ODR4: variants seen among roughly 807,000 people sequenced by gnomAD.
ODR4 encodes protein odr-4 homolog.
A neutral mutation model predicts 60.2 loss-of-function variants in ODR4; 47 were observed. That is an observed-to-expected ratio of 0.78 (90% CI 0.62 to 1.00). The LOEUF is 1.00. ODR4 is among the 50% of genes least tolerant of loss of function. ODR4 has a pLI of 0.00. For synonymous variants in ODR4, 178 were observed against 175.5 expected, an observed-to-expected ratio of 1.01 and a Z score of -0.11; for missense variants, 488 against 530.8, an observed-to-expected ratio of 0.92 and a Z score of 0.79.
chr1:186,412,637 C>T (rs1029520090), intron 12 of ODR4, among the ~76,000 whole-genome samples: 7 of 151,952 alleles, frequency 4.6e-5, no homozygotes, highest in Non-Finnish European at 1.0e-4. Context: ...GAATTATATG[C>T]GCTTATTCAC....
intron 11 of ODR4, chr1:186,399,354 T>A: frequency 5.5e-6 from 2 of 363,882 alleles, no homozygotes; most frequent in Non-Finnish European, 1.0e-5. Flanking sequence ...TGCAGGCACA[T>A]GCCATGATGC....
At chr1:186,394,535 A>G (rs1660598019) in intron 9 of ODR4, among the ~76,000 whole-genome samples, 1 of 152,218 alleles carries the variant, frequency 6.6e-6, no homozygotes, top group Admixed American at 6.5e-5. Context: ...ATAAAAAGTT[A>G]AAGCCACTAA....
chr1:186,425,682 C>A (rs544823223), downstream of ODR4, among the ~76,000 whole-genome samples: 16 of 152,254 alleles, frequency 1.1e-4, no homozygotes, highest in African/African-American at 3.9e-4. Flanking sequence ...TCTTAGAAGT[C>A]TTTTTGTCTA....
intron 6 of ODR4, among the ~76,000 whole-genome samples, chr1:186,390,058 C>T (rs1385076971): frequency 1.3e-5 from 2 of 152,056 alleles, no homozygotes; most frequent in South Asian, 2.1e-4. Context: ...TGCCTGTCTT[C>T]GCCTCCCAAA....
chr1:186,406,155 G>A lies in ODR4; in HGVS notation c.1073G>A (p.Cys358Tyr), dbSNP rs766197635. Reference protein sequence around the residue: ...VPLPGSTVMLCDYKFDDESAE... With the variant: ...VPLPGSTVMLYDYKFDDESAE... ...CTTCCTGGATCCACTGTAATGTTGTGTGATTATAAATTTGACGATGAGTCA... is the reference window on the plus strand; with the variant it reads ...CTTCCTGGATCCACTGTAATGTTGTATGATTATAAATTTGACGATGAGTCA... The change falls in exon 12 of 14, where the codon TGT (cysteine) becomes TAT (tyrosine). Residue 358 changes from cysteine to tyrosine, a missense_variant. Physicochemically the swap from Cys to Tyr is radical, Grantham distance 194. Transcript: ENST00000287859. 1.2e-6 allele frequency: 2 copies of A among 1,612,400 alleles called. No individual in the cohort carries two copies. The highest frequency in any genetic ancestry group is 1.1e-5 in the South Asian group (1 of 90,796).
At chr1:186,376,022 G>GTGTGTGTT (rs57930082) in intron 1 of ODR4, 48 bp downstream of exon 1, 1 of 161,304 alleles carries the variant, frequency 6.2e-6, no homozygotes, top group Non-Finnish European at 1.4e-5. Flanking sequence ...GTGTGTGTGT[G>GTGTGTGTT]CTCTCTTTTC....
chr1:186,401,014 A>T, intron 11 of ODR4: 1 of 1,573,586 alleles, frequency 6.4e-7, no homozygotes, highest in Non-Finnish European at 8.7e-7. Flanking sequence ...TGTATATTAT[A>T]GCTGCATTGC....
At chr1:186,398,835 A>T in intron 10 of ODR4, 119 bp from the exon 11 acceptor site, 1 of 603,072 alleles carries the variant, frequency 1.7e-6, no homozygotes, top group Non-Finnish European at 2.8e-6. Flanking sequence ...TGAATGATGT[A>T]TCAGTTATTT....
intron 1 of ODR4, among the ~76,000 whole-genome samples, chr1:186,376,608 G>A (rs1460449390): frequency 4.6e-5 from 7 of 152,062 alleles, no homozygotes; most frequent in Non-Finnish European, 8.8e-5. Flanking sequence ...AAATATAAAT[G>A]GAAGCATTTT....
At position 186,380,089 on chromosome 1, in the gene ODR4, G is replaced by A. The variant is rs191144969; in HGVS notation, c.99+205G>A. 9.2e-5 allele frequency among the ~76,000 whole-genome samples: 14 copies of A among 152,256 alleles called. No homozygotes were observed. The East Asian group carries it at 9.6e-4, about 10-fold the overall frequency. On this transcript the variant is annotated intron_variant, in intron 2 of 13. Coordinates refer to ENST00000287859, the MANE Select transcript of ODR4 (RefSeq NM_017847.6). ...AGACAAACCTAGCCCAATTTTGCTC[G>A]TCAGGACACCTTCCCCTTTGACCAT...
chr1:186,416,955 AATT>A (rs1388402567), intron 12 of ODR4, among the ~76,000 whole-genome samples: 3 of 151,776 alleles, frequency 2.0e-5, no homozygotes, highest in Non-Finnish European at 2.9e-5. Context: ...ATAGTAAACA[AATT>A]ATTATTATTG....
intron 13 of ODR4, 115 bp from the exon 14 acceptor site, chr1:186,418,894 G>A: frequency 1.3e-6 from 1 of 793,514 alleles, no homozygotes; most frequent in East Asian, 2.7e-5. Flanking sequence ...ATGATTGTGT[G>A]TTTGTGTATT....
At chr1:186,401,895 T>A (rs1478261248) in intron 11 of ODR4, among the ~76,000 whole-genome samples, 1 of 151,948 alleles carries the variant, frequency 6.6e-6, no homozygotes. Flanking sequence ...CTGTGCTTCA[T>A]TTTTTTGTAA....
In ODR4 at chr1:186,419,233, A is replaced by G. The variant is rs986723821; in HGVS notation, c.*157A>G. 86 of 688,086 alleles carry G rather than the reference A, an allele frequency of 1.2e-4. No homozygotes were observed. The African/African-American group carries it at 1.4e-3, about 11-fold the overall frequency. 42.6% of individuals were successfully genotyped at this position (688,086 alleles called of 1,614,324 possible). The stretch of plus-strand genomic sequence containing the variant: ...TGTTTCTGATTAAAATGAAATCACA[A>G]GCTGCCTTGTTTAGCCTGCTTTACA... On this transcript the variant is annotated 3_prime_UTR_variant, in exon 14 of 14. Transcript: ENST00000287859.
chr1:186,432,932 C>G, the ODR4 span, among the ~76,000 whole-genome samples: 2 of 152,006 alleles, frequency 1.3e-5, no homozygotes, highest in Non-Finnish European at 1.5e-5. Context: ...ACTACAGGCG[C>G]ATGGCAACAC....
At chr1:186,427,826 A>G in the ODR4 span, among the ~76,000 whole-genome samples, 1 of 152,232 alleles carries the variant, frequency 6.6e-6, no homozygotes, top group African/African-American at 2.4e-5. Context: ...TTGTATTTGT[A>G]GGTATGAAAC....
the ODR4 span, among the ~76,000 whole-genome samples, chr1:186,434,442 ATTCTTACT>A: frequency 6.6e-6 from 1 of 152,296 alleles, no homozygotes; most frequent in East Asian, 1.9e-4. Flanking sequence ...GCCTCTTTAA[ATTCTTACT>A]CTGGAACTGG....
chr1:186,383,468 G>A (rs1660118716), intron 3 of ODR4, among the ~76,000 whole-genome samples: 2 of 152,156 alleles, frequency 1.3e-5, no homozygotes, highest in South Asian at 4.2e-4. Context: ...GGGGTTGGGG[G>A]TGAGGGGAGG....
At chr1:186,431,480 A>G in the ODR4 span, among the ~76,000 whole-genome samples, 1 of 152,218 alleles carries the variant, frequency 6.6e-6, no homozygotes, top group African/African-American at 2.4e-5. Flanking sequence ...TGAAATTAAA[A>G]AAGGTCATAG....
Sources: allele counts gnomAD v4.1 joint callset (sites outside exome capture counted in the v4.1 genomes callset), GRCh38; gene constraint gnomAD v4.1.1; transcripts MANE v1.5; gene names NCBI Gene and HGNC (gene_info 2026-07-23, HGNC 2026-07-21).